ANKRD26: variants seen among roughly 807,000 people sequenced by gnomAD.
ANKRD26 encodes the protein ankyrin repeat domain 26, also known as ankyrin repeat domain-containing protein 26.
ANKRD26 carries 141 observed loss-of-function variants against 208.7 expected under a neutral mutation model. That is an observed-to-expected ratio of 0.68 (90% CI 0.59 to 0.78). The LOEUF (loss-of-function observed/expected upper bound fraction) is 0.78, where lower values mean the gene tolerates loss of function less well. Ranked by LOEUF, ANKRD26 falls within the 30% of genes least tolerant of loss-of-function variation. The probability of loss-of-function intolerance (pLI) is 0.00; values close to 1 mark genes in which losing one functional copy is unlikely to be tolerated. For synonymous variants in ANKRD26, 636 were observed against 660.4 expected (o/e 0.96, Z 0.57); for missense variants, 1,889 against 1,938.7 (o/e 0.97, Z 0.48).
At chr10:27,000,933 A>AGGC (rs2052709182), downstream of ANKRD26, among the ~76,000 whole-genome samples, 1 of 152,150 alleles carries the variant, frequency 6.6e-6, no homozygotes, top group Non-Finnish European at 1.5e-5. Flanking sequence ...GCGTGAACCC[A>AGGC]GGAGGCGGAG....
At chr10:27,093,905 G>A (rs910519367) in intron 1 of ANKRD26, 106 bp from the exon 2 acceptor site, 30 of 900,936 alleles carry the variant, frequency 3.3e-5, no homozygotes, top group Non-Finnish European at 4.9e-5. Context: ...TGGTTTGGCT[G>A]TGTCCCCACC....
intron 32 of ANKRD26, among the ~76,000 whole-genome samples, chr10:27,009,976 G>C (rs889342806): frequency 7.9e-5 from 12 of 152,260 alleles, no homozygotes; most frequent in African/African-American, 2.9e-4. Flanking sequence ...ATAACCAGTA[G>C]TTTTCAAACT....
At chr10:27,015,628 C>T (rs2053263822) in intron 30 of ANKRD26, among the ~76,000 whole-genome samples, 1 of 152,116 alleles carries the variant, frequency 6.6e-6, no homozygotes, top group Admixed American at 6.5e-5. Flanking sequence ...GATTGTGTTC[C>T]AAGACTCCTA....
chr10:27,002,511 GTGTA>G (rs2052747755), downstream of ANKRD26, among the ~76,000 whole-genome samples: 1 of 152,178 alleles, frequency 6.6e-6, no homozygotes. Flanking sequence ...GTGAGGGTGG[GTGTA>G]TGTGAGTGGC....
chr10:26,969,073 T>C (rs2052108001), downstream of ANKRD26, among the ~76,000 whole-genome samples: 1 of 152,188 alleles, frequency 6.6e-6, no homozygotes, highest in Non-Finnish European at 1.5e-5. Flanking sequence ...AGCTCAAAGT[T>C]AGCCTAATAT....
chr10:27,034,826 A>G lies in ANKRD26; in HGVS notation c.3624T>C (p.Tyr1208=). Residue 1208 remains tyrosine, a synonymous_variant, in exon 24 of 34, where the codon TAT becomes TAC. Transcript: ENST00000376087. ...TTTCTGCCTTTTCATTTTCATATTGATACTGTCTTTCTTTTAAGTGATTAC... is the reference window on the plus strand; with the variant it reads ...TTTCTGCCTTTTCATTTTCATATTGGTACTGTCTTTCTTTTAAGTGATTAC... The part of the protein sequence containing the change: ...SECNHLKERQ[Y]QYENEKAERE... 1 of 1,609,406 alleles carries G rather than the reference A, an allele frequency of 6.2e-7. No individual in the cohort carries two copies.
chr10:26,961,576 G>A, the ANKRD26 span, among the ~76,000 whole-genome samples: 5 of 152,210 alleles, frequency 3.3e-5, no homozygotes, highest in South Asian at 4.2e-4. Flanking sequence ...CAGGTGTGGC[G>A]GCACATGCTG....
intron 12 of ANKRD26, chr10:27,062,301 G>T: frequency 1.3e-6 from 1 of 749,906 alleles, no homozygotes; most frequent in African/African-American, 1.9e-5. Context: ...GAAAAATAAT[G>T]CTTTATTCTG....
At chr10:27,095,195 T>G (rs1019333120) in intron 1 of ANKRD26, among the ~76,000 whole-genome samples, 3 of 152,190 alleles carry the variant, frequency 2.0e-5, no homozygotes, top group African/African-American at 7.2e-5. Flanking sequence ...TTCAAGAAAC[T>G]TCAACACAAA....
intron 18 of ANKRD26, 143 bp from the exon 19 acceptor site, chr10:27,044,333 G>A (rs924477063): frequency 1.4e-4 from 102 of 729,732 alleles, no homozygotes; most frequent in Non-Finnish European, 1.8e-4. Flanking sequence ...CTTTTTTACA[G>A]GTAATATAAA....
chr10:26,979,128 G>C (rs541615815), intron 5 of ANKRD26, among the ~76,000 whole-genome samples: 6 of 152,280 alleles, frequency 3.9e-5, no homozygotes, highest in Middle Eastern at 3.4e-3. Context: ...GCTGAGGCAG[G>C]AGAATGGTGT....
chr10:27,002,370 T>G (rs1285923182), downstream of ANKRD26, among the ~76,000 whole-genome samples: 1 of 152,216 alleles, frequency 6.6e-6, no homozygotes, highest in African/African-American at 2.4e-5. Context: ...GGGCCCCATC[T>G]GGGTGGAGTT....
chr10:26,983,962 G>A (rs771239458), intron 3 of ANKRD26, among the ~76,000 whole-genome samples: 2 of 152,170 alleles, frequency 1.3e-5, no homozygotes, highest in Non-Finnish European at 2.9e-5. Context: ...GGCATGGTTG[G>A]CATATTCAGC....
At chr10:27,047,526 C>G (rs1232327059) in intron 17 of ANKRD26, among the ~76,000 whole-genome samples, 1 of 151,798 alleles carries the variant, frequency 6.6e-6, no homozygotes, top group Non-Finnish European at 1.5e-5. Context: ...GAAGTTGAGG[C>G]AGGAGAATTG....
Position 27,086,629 on chromosome 10 carries a change from A to T in ANKRD26, c.639-20T>A. The stretch of plus-strand genomic sequence containing the variant: ...TGACTGCTATGTATAGAAAAATGTA[A>T]CAAAATTATGTTAATACTGATACAA... On this transcript the variant is annotated intron_variant, in intron 4 of 33. Transcript: ENST00000376087. The T allele has an allele frequency of 6.3e-7, 1 of 1,594,824 alleles. No homozygotes were observed. Among genetic ancestry groups the T allele is most frequent in the Non-Finnish European group, 8.6e-7 (1 of 1,169,170 alleles).
intron 5 of ANKRD26, among the ~76,000 whole-genome samples, chr10:27,086,323 A>AT (rs1714195767): frequency 6.6e-6 from 1 of 152,114 alleles, no homozygotes; most frequent in Admixed American, 6.6e-5. Context: ...AAGTAAATGA[A>AT]TTTTTTTCAG....
At chr10:27,049,242 C>T (rs907220502) in intron 16 of ANKRD26, among the ~76,000 whole-genome samples, 6 of 152,196 alleles carry the variant, frequency 3.9e-5, no homozygotes, top group South Asian at 2.1e-4. Flanking sequence ...ATTTCAAAGG[C>T]TCTTCTTAAT....
At chr10:26,963,903 G>GTTTTTTTTTTTTTTTTTT in the ANKRD26 span, among the ~76,000 whole-genome samples, 26 of 71,828 alleles carry the variant, frequency 3.6e-4, 4 homozygotes, top group East Asian at 5.2e-3. Flanking sequence ...TGGTTGGTTG[G>GTTTTTTTTTTTTTTTTTT]TTTTTTTTTT....
At chr10:27,027,130 G>C (rs1015964983) in intron 27 of ANKRD26, among the ~76,000 whole-genome samples, 10 of 152,206 alleles carry the variant, frequency 6.6e-5, no homozygotes, top group African/African-American at 2.4e-4. Context: ...GGGAAAAAAA[G>C]TTTCTGAATC....
Sources: allele counts gnomAD v4.1 joint callset (sites outside exome capture counted in the v4.1 genomes callset), GRCh38; gene constraint gnomAD v4.1.1; transcripts MANE v1.5; gene names NCBI Gene and HGNC (gene_info 2026-07-23, HGNC 2026-07-21).